Variants in ECRG4 observed in about 807,000 individuals in gnomAD.
ECRG4 encodes the protein augurin.
Under a neutral mutation model 15.8 loss-of-function variants are expected in ECRG4, and 18 were observed. The observed-to-expected ratio is 1.14, with a 90% confidence interval of 0.79 to 1.69. The LOEUF is 1.69. Among genes scored for constraint, ECRG4 ranks in the 40% most tolerant of loss-of-function variants. The pLI, the probability that ECRG4 is intolerant of heterozygous loss-of-function variation, is 0.00. For missense variants in ECRG4, 200 were observed against 190.9 expected, an observed-to-expected ratio of 1.05 and a Z score of -0.28; for synonymous variants, 82 against 73.9, an observed-to-expected ratio of 1.11 and a Z score of -0.56.
intron 2 of ECRG4, chr2:106,073,669 C>G: frequency 3.4e-6 from 2 of 592,366 alleles, no homozygotes; most frequent in Non-Finnish European, 6.0e-6. Flanking sequence ...GTCCATGCCC[C>G]TTTATAGGGT....
chr2:106,071,912 T>C, intron 2 of ECRG4, 21 bp downstream of exon 2: 1 of 1,601,914 alleles, frequency 6.2e-7, no homozygotes, highest in African/African-American at 1.3e-5. Flanking sequence ...CCCAAATGGA[T>C]AAGGGATGCA....
chr2:106,073,212 G>A (rs1332816652), intron 2 of ECRG4, among the ~76,000 whole-genome samples: 1 of 152,200 alleles, frequency 6.6e-6, no homozygotes, highest in African/African-American at 2.4e-5. Flanking sequence ...CACATCCTGC[G>A]GAAGTGGTTC....
At chr2:106,064,024 CTTTTTATGTGCTTTGAT>C (rs1182630633), upstream of ECRG4, among the ~76,000 whole-genome samples, 1 of 152,202 alleles carries the variant, frequency 6.6e-6, no homozygotes, top group Non-Finnish European at 1.5e-5. Context: ...AGAATATTGG[CTTTTTATGTGCTTTGAT>C]TTTTCTTTCT....
chr2:106,069,759 CCTT>C (rs1314103380), intron 1 of ECRG4, among the ~76,000 whole-genome samples: 1 of 152,180 alleles, frequency 6.6e-6, no homozygotes, highest in East Asian at 1.9e-4. Flanking sequence ...TTTTCTATGA[CCTT>C]CTTCAAGTGA....
chr2:106,076,916 G>A (rs1478555662), intron 3 of ECRG4, among the ~76,000 whole-genome samples: 2 of 152,162 alleles, frequency 1.3e-5, no homozygotes, highest in Non-Finnish European at 2.9e-5. Context: ...ACGAGTCCTA[G>A]TCTAAATTAA....
chr2:106,075,093 G>C lies in ECRG4; in HGVS notation c.285+1050G>C, dbSNP rs1436146074. On this transcript the variant is annotated intron_variant, in intron 3 of 3. Coordinates refer to ENST00000238044, the MANE Select transcript of ECRG4 (RefSeq NM_032411.3). ...AGCCAAGCATGATTCTAAGTACTTA[G>C]AGGTACGAACTTACTTCACATTCAC... Among the ~76,000 whole-genome samples the C allele has an allele frequency of 2.6e-5, 4 of 152,114 alleles. No homozygotes were observed. The East Asian group carries it at 7.7e-4, about 29-fold the overall frequency.
chr2:106,065,803 G>C lies in ECRG4; in HGVS notation c.39G>C (p.Leu13=), dbSNP rs1676197727. ...CCGCGCGGCCTGCTGTCCTGGCCCT[G>C]ACCGGGCTGGCGCTGCTCCTGCTCC... The part of the protein sequence containing the change: ...ASPARPAVLA[L]TGLALLLLLC... The change falls in exon 1 of 4, where the codon CTG becomes CTC. Residue 13 remains leucine (L), a synonymous_variant. Coordinates refer to ENST00000238044, the MANE Select transcript of ECRG4 (RefSeq NM_032411.3). The C allele has an allele frequency of 6.7e-7, 1 of 1,486,772 alleles. No individual in the cohort carries two copies. The highest frequency in any genetic ancestry group is 2.3e-5 in the Admixed American group (1 of 43,204). The allele number at this position is 1,486,772 out of a possible 1,614,324, so 92.1% of individuals were successfully genotyped here. A position where few individuals can be genotyped will look rare whatever the true frequency, so the allele number is the denominator to read the frequency against.
At chr2:106,067,059 CGGGGGGG>C (rs1171603168) in intron 1 of ECRG4, among the ~76,000 whole-genome samples, 4 of 4,260 alleles carry the variant, frequency 9.4e-4, no homozygotes, top group South Asian at 8.1e-3. Flanking sequence ...TTTGGGAGGC[CGGGGGGG>C]GGGGGGGGGC....
chr2:106,066,443 A>AGAG (rs1357724140), intron 1 of ECRG4, among the ~76,000 whole-genome samples: 5 of 152,244 alleles, frequency 3.3e-5, no homozygotes. Context: ...GTGCATTCAC[A>AGAG]CGCACACCCA....
rs1262654355 is a variant in ECRG4, at chr2:106,073,267, A to G, written c.128-619A>G. On this transcript the variant is annotated intron_variant, in intron 2 of 3. Coordinates refer to ENST00000238044, the MANE Select transcript of ECRG4 (RefSeq NM_032411.3). The stretch of plus-strand genomic sequence containing the variant: ...GTGATGGAAAGACGTTAGCAGCAGC[A>G]GTGTGAGGGTGCGGGTCAGTATCCT... Among the ~76,000 whole-genome samples, 9 of 152,194 alleles carry G rather than the reference A, an allele frequency of 5.9e-5. No homozygotes were observed. The South Asian group carries it at 6.2e-4, about 11-fold the overall frequency.
chr2:106,077,038 T>A (rs1676502293), intron 3 of ECRG4, among the ~76,000 whole-genome samples: 1 of 152,220 alleles, frequency 6.6e-6, no homozygotes, highest in African/African-American at 2.4e-5. Context: ...CTACACTACT[T>A]ACTCAGCTTT....
chr2:106,067,521 G>A (rs1676252239), intron 1 of ECRG4, among the ~76,000 whole-genome samples: 1 of 151,480 alleles, frequency 6.6e-6, no homozygotes, highest in Admixed American at 6.6e-5. Context: ...CCAGGCTGGA[G>A]TGTAATGGCG....
chr2:106,075,444 G>A (rs1213066043), intron 3 of ECRG4, among the ~76,000 whole-genome samples: 5 of 152,186 alleles, frequency 3.3e-5, no homozygotes, highest in East Asian at 1.9e-4. Context: ...ATGCAGGGAC[G>A]GGCATGGTGG....
intron 3 of ECRG4, among the ~76,000 whole-genome samples, chr2:106,074,842 A>G (rs10180186): frequency 0.022 from 3,297 of 152,320 alleles, 132 homozygotes; most frequent in African/African-American, 0.072. Context: ...AAATGGGCAC[A>G]TGATTCATTT....
intron 2 of ECRG4, 65 bp from the exon 3 acceptor site, chr2:106,073,821 A>C: frequency 6.3e-7 from 1 of 1,586,564 alleles, no homozygotes; most frequent in Non-Finnish European, 8.6e-7. Flanking sequence ...TATAACAGGG[A>C]TTCACCGCAA....
intron 1 of ECRG4, among the ~76,000 whole-genome samples, chr2:106,068,902 G>T (rs1166390292): frequency 6.6e-6 from 1 of 152,204 alleles, no homozygotes; most frequent in Non-Finnish European, 1.5e-5. Flanking sequence ...CAGTAGCCTG[G>T]TCAAGTGCTC....
chr2:106,074,736 G>T (rs576882733), intron 3 of ECRG4, among the ~76,000 whole-genome samples: 1 of 152,234 alleles, frequency 6.6e-6, no homozygotes, highest in Non-Finnish European at 1.5e-5. Flanking sequence ...TGTGTGAGAC[G>T]TAAAGGGAGG....
chr2:106,069,191 T>G (rs1558655782), intron 1 of ECRG4, among the ~76,000 whole-genome samples: 1 of 150,574 alleles, frequency 6.6e-6, no homozygotes, highest in African/African-American at 2.5e-5. Context: ...TTCTTTCTCT[T>G]TCTTCTTTCT....
At chr2:106,069,265 TTTTCTTTC>T (rs147751769) in intron 1 of ECRG4, among the ~76,000 whole-genome samples, 5 of 146,808 alleles carry the variant, frequency 3.4e-5, no homozygotes, top group Non-Finnish European at 7.4e-5. Flanking sequence ...TCTCTTTCCT[TTTTCTTTC>T]TTTCTTTTTC....
Sources: allele counts gnomAD v4.1 joint callset (sites outside exome capture counted in the v4.1 genomes callset), GRCh38; gene constraint gnomAD v4.1.1; transcripts MANE v1.5; gene names NCBI Gene and HGNC (gene_info 2026-07-23, HGNC 2026-07-21).